NFAT5: variants seen among roughly 807,000 people sequenced by gnomAD.
NFAT5 encodes nuclear factor of activated T-cells 5.
NFAT5 carries 31 observed loss-of-function variants against 166.5 expected under a neutral mutation model. That is an observed-to-expected ratio of 0.19 (90% CI 0.14 to 0.25). The LOEUF (loss-of-function observed/expected upper bound fraction) is 0.25, where lower values mean the gene tolerates loss of function less well. Ranked by LOEUF, NFAT5 falls within the 10% of genes least tolerant of loss-of-function variation. The pLI, the probability that NFAT5 is intolerant of heterozygous loss-of-function variation, is 1.00. For synonymous variants in NFAT5, 612 were observed against 639.7 expected, an observed-to-expected ratio of 0.96 and a Z score of 0.65; for missense variants, 1,449 against 1,821.8, an observed-to-expected ratio of 0.80 and a Z score of 3.72.
Position 69,692,454 on chromosome 16 carries a change from A to C in NFAT5, c.2629A>C (p.Asn877His). Reference sequence around the variant, plus strand: ...GCCAACAGTCCATACCAGACCAGATAATTTATTACCTGGAAGAGCTGAAAG... The same window carrying C: ...GCCAACAGTCCATACCAGACCAGATCATTTATTACCTGGAAGAGCTGAAAG... ...TEPTVHTRPD[N>H]LLPGRAESVH... Residue 877 changes from asparagine to histidine, a missense_variant, in exon 13 of 15, where the codon AAT becomes CAT. By Grantham distance (68) the Asn-to-His change is moderately conservative. This residue lies in a region of NFAT5 where 891 missense variants were observed against 993.0 expected (regional missense o/e 0.90). Transcript: ENST00000349945. The C allele has an allele frequency of 6.2e-7, 1 of 1,614,174 alleles. No homozygotes were observed. The highest frequency in any genetic ancestry group is 8.5e-7 in the Non-Finnish European group (1 of 1,180,042).
rs1251483821 is a variant in NFAT5 at position 69,572,603 on chromosome 16, AAGAT to A, written c.127+4059_127+4062del. 2.6e-5 allele frequency among the ~76,000 whole-genome samples: 4 copies of A among 152,322 alleles called. No homozygotes were observed. In the East Asian group the frequency reaches 5.8e-4, roughly 22 times the overall value. On this transcript the variant is annotated intron_variant, in intron 2 of 14. Coordinates refer to ENST00000349945, the MANE Select transcript of NFAT5 (RefSeq NM_138713.4). ...TATTCATTTTGGCAAATGAAAAACTAAGATAGAAATGAAACTGAATGAATCATTC... is the reference window on the plus strand; with the variant it reads ...TATTCATTTTGGCAAATGAAAAACTAAGAAATGAAACTGAATGAATCATTC...
chr16:69,618,081 C>T (rs973192563), intron 2 of NFAT5, among the ~76,000 whole-genome samples: 3 of 146,542 alleles, frequency 2.0e-5, no homozygotes, highest in South Asian at 2.4e-4. Flanking sequence ...TTGCTTGGAC[C>T]GGGGAGGTGG....
At chr16:69,695,880 A>G (rs1487998449) in intron 14 of NFAT5, among the ~76,000 whole-genome samples, 1 of 152,190 alleles carries the variant, frequency 6.6e-6, no homozygotes, top group East Asian at 1.9e-4. Context: ...CCCCAAGGGT[A>G]AAAAAGATCC....
At chr16:69,653,650 A>C (rs1471205128) in intron 5 of NFAT5, among the ~76,000 whole-genome samples, 1 of 147,928 alleles carries the variant, frequency 6.8e-6, no homozygotes, top group Non-Finnish European at 1.5e-5. Context: ...ATCTCAGCTC[A>C]CTGCAGCCTC....
rs1342099231 is a variant in NFAT5, at chr16:69,698,238, T to C, written c.*1887T>C. 1 of 152,512 alleles carries C rather than the reference T, an allele frequency of 6.6e-6. No individual in the cohort carries two copies. 9.4% of individuals were successfully genotyped at this position (152,512 alleles called of 1,614,324 possible). On this transcript the variant is annotated 3_prime_UTR_variant, in exon 15 of 15. Coordinates refer to ENST00000349945, the MANE Select transcript of NFAT5 (RefSeq NM_138713.4). The stretch of plus-strand genomic sequence containing the variant: ...AGAGACCTACTCTGGGTCATTTAAT[T>C]TTGAATACAGTTTTCAATCGTTCAA...
At chr16:69,603,997 T>C (rs2033271876) in intron 2 of NFAT5, among the ~76,000 whole-genome samples, 1 of 152,232 alleles carries the variant, frequency 6.6e-6, no homozygotes, top group Non-Finnish European at 1.5e-5. Context: ...TAGCTAATAT[T>C]TGTTTTAATT....
chr16:69,610,022 A>C (rs533503587), intron 2 of NFAT5, among the ~76,000 whole-genome samples: 258 of 125,902 alleles, frequency 2.0e-3, no homozygotes, highest in African/African-American at 6.5e-3. Flanking sequence ...AGAGAGAGAC[A>C]GATAGAGCGA....
At chr16:69,583,527 T>G (rs185232808) in intron 2 of NFAT5, among the ~76,000 whole-genome samples, 3 of 152,168 alleles carry the variant, frequency 2.0e-5, no homozygotes, top group Non-Finnish European at 4.4e-5. Flanking sequence ...GCTTTTGTAT[T>G]TAAACACAAG....
chr16:69,625,109 C>T (rs189641310), intron 2 of NFAT5, among the ~76,000 whole-genome samples: 7 of 151,996 alleles, frequency 4.6e-5, no homozygotes, highest in Admixed American at 1.3e-4. Context: ...ACTATGTTGG[C>T]CAGGCTGGTC....
rs781419124 is a variant in NFAT5 at position 69,693,181 on chromosome 16, A to G, written c.3356A>G (p.His1119Arg). The change falls in exon 13 of 15, where the codon CAC (histidine) becomes CGC (arginine). Residue 1119 changes from histidine (H) to arginine (R), a missense_variant. His to Arg is a conservative substitution (Grantham distance 29). Around this residue, in one of 7 missense-constraint regions of NFAT5, gnomAD observed 891 missense variants for 993.0 expected, o/e 0.90. Transcript: ENST00000349945. ...SLFHSPNPIV[H>R]SQTSTTSSEQ... The stretch of plus-strand genomic sequence containing the variant: ...TTTCATAGTCCAAATCCTATTGTCC[A>G]CAGTCAGACTTCTACAACCTCCTCT... 5 of 1,614,124 alleles carry G rather than the reference A, an allele frequency of 3.1e-6. No homozygotes were observed. Among genetic ancestry groups the G allele is most frequent in the Non-Finnish European group, 4.2e-6 (5 of 1,180,006 alleles).
intron 9 of NFAT5, among the ~76,000 whole-genome samples, chr16:69,674,006 G>A (rs1207634305): frequency 6.6e-6 from 1 of 152,014 alleles, no homozygotes; most frequent in Admixed American, 6.6e-5. Flanking sequence ...AGTTTGGGAG[G>A]CCGAGGCAGG....
intron 2 of NFAT5, among the ~76,000 whole-genome samples, chr16:69,625,117 G>T (rs2034395939): frequency 1.3e-5 from 2 of 152,022 alleles, no homozygotes; most frequent in South Asian, 4.2e-4. Flanking sequence ...GGCCAGGCTG[G>T]TCTCGAACTC....
In NFAT5 at chr16:69,699,736, C is replaced by T. The variant is rs977506951; in HGVS notation, c.*3385C>T. The T allele has an allele frequency of 1.3e-5, 2 of 152,466 alleles. No individual in the cohort carries two copies. The highest frequency in any genetic ancestry group is 4.8e-5 in the African/African-American group (2 of 41,382). 9.4% of individuals were successfully genotyped at this position (152,466 alleles called of 1,614,324 possible). ...AGAAGGACCTAAATAAACTGTGAGC[C>T]ACCTTTTCTTCTTTATATTGTTACA... On this transcript the variant is annotated 3_prime_UTR_variant, in exon 15 of 15. Transcript: ENST00000349945.
chr16:69,589,273 C>T (rs1026952392), intron 2 of NFAT5, among the ~76,000 whole-genome samples: 1 of 152,090 alleles, frequency 6.6e-6, no homozygotes, highest in Non-Finnish European at 1.5e-5. Flanking sequence ...GGATTACAGG[C>T]GTGAGCCACC....
intron 3 of NFAT5, chr16:69,646,447 C>A: frequency 1.6e-6 from 1 of 636,282 alleles, no homozygotes; most frequent in Non-Finnish European, 2.3e-6. Context: ...ATTTATTTCT[C>A]ATTTTATAAT....
chr16:69,579,547 A>G (rs1187974772), intron 2 of NFAT5, among the ~76,000 whole-genome samples: 2 of 152,238 alleles, frequency 1.3e-5, no homozygotes, highest in African/African-American at 2.4e-5. Flanking sequence ...AAATACAAAC[A>G]ACATACTTAC....
chr16:69,682,796 C>A (rs2037125862), intron 10 of NFAT5, among the ~76,000 whole-genome samples: 2 of 152,034 alleles, frequency 1.3e-5, no homozygotes, highest in South Asian at 4.1e-4. Flanking sequence ...GTTGGACCTA[C>A]TGTGAAGCAT....
At chr16:69,646,985 G>A in intron 3 of NFAT5, 43 bp from the exon 4 acceptor site, 1 of 1,453,052 alleles carries the variant, frequency 6.9e-7, no homozygotes, top group African/African-American at 1.4e-5. Context: ...CAGCATAGGT[G>A]AAAACATGTA....
intron 9 of NFAT5, among the ~76,000 whole-genome samples, chr16:69,671,664 T>C (rs2036626213): frequency 6.6e-6 from 1 of 152,212 alleles, no homozygotes; most frequent in Admixed American, 6.5e-5. Context: ...CCACTGTGCC[T>C]GGCCTAGTGC....
Sources: gnomAD v4.1 joint callset for allele counts (sites outside exome capture counted in the v4.1 genomes callset) on GRCh38, gnomAD v4.1.1 for gene constraint, gnomAD v4.1.1 regional missense constraint, MANE v1.5 for transcripts, NCBI Gene and HGNC (gene_info 2026-07-23, HGNC 2026-07-21) for gene names.